The following RNF157 variants were observed in gnomAD, a reference collection of about 807,000 sequenced individuals.
The protein encoded by RNF157 is E3 ubiquitin ligase RNF157.
RNF157 carries 55 observed loss-of-function variants against 88.3 expected under a neutral mutation model. That is an observed-to-expected ratio of 0.62 (90% confidence interval 0.50 to 0.78). The LOEUF (loss-of-function observed/expected upper bound fraction) is 0.78. Among genes scored for constraint, RNF157 ranks in the 30% least tolerant of loss-of-function variants. The pLI is 0.00. For synonymous variants in RNF157, 334 were observed against 341.2 expected, an observed-to-expected ratio of 0.98 and a Z score of 0.23; for missense variants, 788 against 860.8, an observed-to-expected ratio of 0.92 and a Z score of 1.06.
chr17:76,194,496 C>T (rs2069440697), intron 2 of RNF157, among the ~76,000 whole-genome samples: 1 of 152,174 alleles, frequency 6.6e-6, no homozygotes, highest in African/African-American at 2.4e-5. Context: ...CCCCCGAAAG[C>T]AGGACGCTTC....
intron 1 of RNF157, among the ~76,000 whole-genome samples, chr17:76,227,281 C>T (rs560427164): frequency 6.6e-6 from 1 of 151,866 alleles, no homozygotes; most frequent in Non-Finnish European, 1.5e-5. Context: ...CCACCACACT[C>T]AGCTAATTTT....
chr17:76,224,829 C>T (rs543288803), intron 1 of RNF157, among the ~76,000 whole-genome samples: 23 of 152,208 alleles, frequency 1.5e-4, no homozygotes, highest in African/African-American at 4.8e-4. Context: ...TAGCCCAGCC[C>T]ATGGGGCGTG....
intron 2 of RNF157, among the ~76,000 whole-genome samples, chr17:76,193,748 G>A (rs1052038264): frequency 5.9e-5 from 9 of 152,200 alleles, no homozygotes; most frequent in South Asian, 2.1e-4. Context: ...ATCAGGAGCT[G>A]AGCGAGAAAA....
chr17:76,150,348 G>C (rs918032985), intron 18 of RNF157, among the ~76,000 whole-genome samples: 3 of 152,048 alleles, frequency 2.0e-5, no homozygotes, highest in Non-Finnish European at 4.4e-5. Context: ...GGAACCCCAG[G>C]GCTTCTCTCT....
intron 1 of RNF157, chr17:76,226,004 A>G (rs981760821): frequency 4.1e-5 from 66 of 1,610,882 alleles, no homozygotes; most frequent in Non-Finnish European, 5.3e-5. Context: ...TGCTGCTACC[A>G]TCTTCTCTCC....
chr17:76,225,337 T>C (rs1225502104), intron 1 of RNF157, among the ~76,000 whole-genome samples: 3 of 151,954 alleles, frequency 2.0e-5, no homozygotes, highest in Non-Finnish European at 2.9e-5. Context: ...GAAAAAGAAA[T>C]AGAAATACAC....
chr17:76,155,226 G>A, intron 16 of RNF157, 26 bp downstream of exon 16: 1 of 1,605,988 alleles, frequency 6.2e-7, no homozygotes, highest in Non-Finnish European at 8.5e-7. Context: ...TGGGAAGGGG[G>A]CACCACTCCG....
intron 1 of RNF157, among the ~76,000 whole-genome samples, chr17:76,227,552 G>A (rs781522733): frequency 5.9e-5 from 9 of 152,054 alleles, no homozygotes; most frequent in Non-Finnish European, 1.3e-4. Flanking sequence ...AATGCACAGA[G>A]GTTAAATAAT....
intron 1 of RNF157, among the ~76,000 whole-genome samples, chr17:76,239,040 A>C (rs1261232826): frequency 6.6e-6 from 1 of 152,156 alleles, no homozygotes; most frequent in Non-Finnish European, 1.5e-5. Flanking sequence ...AAACCAGCTC[A>C]TCTCAGTATG....
In RNF157 at chr17:76,159,555, G is replaced by A. The variant is rs756350798; in HGVS notation, c.1084C>T (p.Pro362Ser). ...EEHPSSENIP[P>S]GYEVVSLLEA... ...AGAAGAGATACTACTTCATAGCCTGGTGGAATATTCTCTGAGGACTAGGGG... is the reference window on the plus strand; with the variant it reads ...AGAAGAGATACTACTTCATAGCCTGATGGAATATTCTCTGAGGACTAGGGG... Residue 362 changes from proline (P) to serine (S), a missense_variant, in exon 12 of 19, where the codon CCA (proline) becomes TCA (serine). Pro to Ser is a moderately conservative substitution (Grantham distance 74, BLOSUM62 -1). Coordinates refer to ENST00000269391, the MANE Select transcript of RNF157 (RefSeq NM_052916.3). 1.1e-5 allele frequency: 18 copies of A among 1,597,096 alleles called. No homozygotes were observed. Among genetic ancestry groups the A allele is most frequent in the Non-Finnish European group, 1.4e-5 (17 of 1,175,548 alleles).
At chr17:76,228,832 G>A (rs571363639) in intron 1 of RNF157, among the ~76,000 whole-genome samples, 1 of 152,114 alleles carries the variant, frequency 6.6e-6, no homozygotes, top group African/African-American at 2.4e-5. Context: ...GAGGCAGGCG[G>A]AGAATCACCT....
At chr17:76,186,540 C>A (rs1400678648) in intron 2 of RNF157, among the ~76,000 whole-genome samples, 1 of 151,684 alleles carries the variant, frequency 6.6e-6, no homozygotes, top group Non-Finnish European at 1.5e-5. Flanking sequence ...AAAAAAACCC[C>A]AAAAAAACTA....
intron 1 of RNF157, chr17:76,225,840 T>C (rs570930624): frequency 2.7e-5 from 44 of 1,610,356 alleles, no homozygotes; most frequent in Non-Finnish European, 3.6e-5. Context: ...GAATCTGCCC[T>C]CTCTTTTAGA....
At position 76,167,076 on chromosome 17, in the gene RNF157, C is replaced by A; in HGVS notation, c.494G>T (p.Arg165Leu). 6.2e-7 allele frequency: 1 copy of A among 1,613,338 alleles called. No homozygotes were observed. Among genetic ancestry groups the A allele is most frequent in the Non-Finnish European group, 8.5e-7 (1 of 1,179,920 alleles). The change falls in exon 5 of 19, where the codon CGA becomes CTA. Residue 165 changes from arginine (R) to leucine (L), a missense_variant. Coordinates refer to ENST00000269391, the MANE Select transcript of RNF157 (RefSeq NM_052916.3). ...CAGGCAGAACTGCTGACACACTCCT[C>A]GCTTGTACTGCACAGTCTCCGACTG... ...SLQSETVQYK[R>L]GVCQQFCLPS...
In RNF157 at chr17:76,156,273, C is replaced by T; in HGVS notation, c.1462G>A (p.Gly488Arg). 1.2e-6 allele frequency: 2 copies of T among 1,614,116 alleles called. No homozygotes were observed. The highest frequency in any genetic ancestry group is 1.7e-6 in the Non-Finnish European group (2 of 1,180,008). The change falls in exon 14 of 19, where the codon GGA (glycine) becomes AGA (arginine). Residue 488 changes from glycine to arginine, a missense_variant. Transcript: ENST00000269391. Reference protein sequence around the residue: ...ESENLTLSSSGAIDQSSCTGT... With the variant: ...ESENLTLSSSRAIDQSSCTGT... ...GTGCAAGACGACTGGTCAATAGCTC[C>T]AGATGACGACAAGGTGAGATTCTCA...
chr17:76,177,870 G>A (rs1008815120), intron 2 of RNF157, among the ~76,000 whole-genome samples: 4 of 152,140 alleles, frequency 2.6e-5, no homozygotes, highest in African/African-American at 9.7e-5. Context: ...TCTGCTGAGA[G>A]CTGCAGAGAA....
Position 76,156,273 on chromosome 17 carries a change from C to G in RNF157, c.1462G>C (p.Gly488Arg). The G allele has an allele frequency of 6.2e-7, 1 of 1,614,116 alleles. No homozygotes were observed. The highest frequency in any genetic ancestry group is 8.5e-7 in the Non-Finnish European group (1 of 1,180,008). Residue 488 changes from glycine (G) to arginine (R), a missense_variant, in exon 14 of 19, where the codon GGA (glycine) becomes CGA (arginine). Coordinates refer to ENST00000269391, the MANE Select transcript of RNF157 (RefSeq NM_052916.3). ...GTGCAAGACGACTGGTCAATAGCTC[C>G]AGATGACGACAAGGTGAGATTCTCA... is the stretch of plus-strand genomic sequence containing the variant. ...ESENLTLSSS[G>R]AIDQSSCTGT...
At position 76,159,558 on chromosome 17, in the gene RNF157, G is replaced by T; in HGVS notation, c.1081C>A (p.Pro361Thr). ...AGAGATACTACTTCATAGCCTGGTGGAATATTCTCTGAGGACTAGGGGAAT... is the reference window on the plus strand; with the variant it reads ...AGAGATACTACTTCATAGCCTGGTGTAATATTCTCTGAGGACTAGGGGAAT... Reference protein sequence around the residue: ...SEEHPSSENIPPGYEVVSLLE... With the variant: ...SEEHPSSENITPGYEVVSLLE... Residue 361 changes from proline (P) to threonine (T), a missense_variant, in exon 12 of 19, where the codon CCA (proline) becomes ACA (threonine). Pro to Thr is a conservative substitution (Grantham distance 38, BLOSUM62 -1). Transcript: ENST00000269391. The T allele has an allele frequency of 6.3e-7, 1 of 1,596,852 alleles. No homozygotes were observed. Among genetic ancestry groups the T allele is most frequent in the South Asian group, 1.1e-5 (1 of 87,462 alleles).
At chr17:76,175,894 G>A (rs1030536532) in intron 2 of RNF157, 2 of 562,990 alleles carry the variant, frequency 3.6e-6, no homozygotes, top group Non-Finnish European at 4.5e-6. Flanking sequence ...TATATTTGAT[G>A]ATAACTGTGG....
Sources: allele counts gnomAD v4.1 joint callset (sites outside exome capture counted in the v4.1 genomes callset), GRCh38; gene constraint gnomAD v4.1.1; transcripts MANE v1.5; gene names NCBI Gene and HGNC (gene_info 2026-07-23, HGNC 2026-07-21).